Variants in PTPRS observed in about 807,000 individuals in gnomAD.
PTPRS encodes receptor-type tyrosine-protein phosphatase S.
Under a neutral mutation model 215.3 loss-of-function variants are expected in PTPRS, and 63 were observed. The ratio of observed to expected loss-of-function variants is 0.29; its 90% CI spans 0.24 to 0.36. The LOEUF is 0.36. Ranked by LOEUF, PTPRS falls within the 10% of genes least tolerant of loss-of-function variation. The pLI, the probability that PTPRS is intolerant of heterozygous loss-of-function variation, is 1.00. For missense variants in PTPRS, 2,258 were observed against 2,825.8 expected (o/e 0.80, Z 4.56); for synonymous variants, 1,404 against 1,191.4 (o/e 1.18, Z -3.68).
rs2048983437 is a variant in PTPRS, at chr19:5,293,167, CCCCGCGAGGCCTCCACAGGG to C, written c.-94-6953_-94-6934del. The stretch of plus-strand genomic sequence containing the variant: ...CCGCGGCTCGGAGATCGGGCCCAGG[CCCCGCGAGGCCTCCACAGGG>C]CCCGCCGCAGCCGCTCCCCGCGTCC... On this transcript the variant is annotated intron_variant, in intron 1 of 37. Coordinates refer to ENST00000262963, the MANE Select transcript of PTPRS (RefSeq NM_002850.4). This position sits in a 1 kb window ranked among gnomAD's most constrained non-coding sequence, Gnocchi z 8.4. 1 of 151,604 alleles carries C rather than the reference CCCCGCGAGGCCTCCACAGGG, an allele frequency of 6.6e-6. No homozygotes were observed. Among genetic ancestry groups the C allele is most frequent in the South Asian group, 2.1e-4 (1 of 4,832 alleles). The allele number at this position is 151,604 out of a possible 1,614,324, so 9.4% of individuals were successfully genotyped here.
rs748465929 is a variant in PTPRS at position 5,211,974 on chromosome 19, G to A, written c.5046C>T (p.Leu1682=). Residue 1682 remains leucine, a synonymous_variant, in exon 32 of 38, where the codon CTC becomes CTT. Transcript: ENST00000262963. ...TCCACCCCGCTGGCACCTTGAACTC[G>A]AGTTCCATGCCAGTGACGTGTTCGC... is the stretch of plus-strand genomic sequence containing the variant. ...EPGEHVTGME[L]EFKRLANSKA... The A allele has an allele frequency of 1.7e-5, 28 of 1,602,804 alleles. No homozygotes were observed. Among genetic ancestry groups the A allele is most frequent in the South Asian group, 7.8e-5 (7 of 90,244 alleles).
chr19:5,244,554 C>T lies in PTPRS; in HGVS notation c.989-72G>A, dbSNP rs938180197. 1.6e-6 allele frequency: 2 copies of T among 1,287,388 alleles called. No homozygotes were observed. The highest frequency in any genetic ancestry group is 2.2e-6 in the Non-Finnish European group (2 of 921,428). The allele number at this position is 1,287,388 out of a possible 1,614,324, so 79.7% of individuals were successfully genotyped here. A position where few individuals can be genotyped will look rare whatever the true frequency, so the allele number is the denominator to read the frequency against. The stretch of plus-strand genomic sequence containing the variant: ...GGACCCTGAAGGCTGTGTGACTTTT[C>T]ACCATTCAGTCGCCTTCTCTGAGCC... On this transcript the variant is annotated intron_variant, in intron 10 of 37. Transcript: ENST00000262963. The surrounding 1 kb of genome is among the most constrained non-coding windows in gnomAD (Gnocchi z 7.2).
intron 2 of PTPRS, among the ~76,000 whole-genome samples, chr19:5,283,604 T>C (rs535826652): frequency 1.3e-4 from 19 of 150,786 alleles, no homozygotes; most frequent in Admixed American, 1.1e-3. Context: ...AAAGAAGAAC[T>C]GAAAGGGGTC....
intron 13 of PTPRS, among the ~76,000 whole-genome samples, chr19:5,238,695 CA>C (rs2043701807): frequency 6.6e-6 from 1 of 152,248 alleles, no homozygotes; most frequent in African/African-American, 2.4e-5. Flanking sequence ...TCACCAGGCC[CA>C]GGGGCACAGA....
rs755415756 is a variant in PTPRS at position 5,212,641 on chromosome 19, C to G, written c.4615-150G>C. On this transcript the variant is annotated intron_variant, in intron 30 of 37. Coordinates refer to ENST00000262963, the MANE Select transcript of PTPRS (RefSeq NM_002850.4). ...GGCGGATCACCTGAGGTCAGGAGTT[C>G]GAGACCAGCCTGACCAACATGGAGA... The G allele has an allele frequency of 7.8e-5, 64 of 816,188 alleles. 1 individual carries two copies. Among genetic ancestry groups the G allele is most frequent in the Admixed American group, 1.6e-4 (6 of 37,380 alleles). 50.6% of individuals were successfully genotyped at this position (816,188 alleles called of 1,614,324 possible). A position where few individuals can be genotyped will look rare whatever the true frequency, so the allele number is the denominator to read the frequency against.
At chr19:5,226,354 C>T (rs980574342) in intron 16 of PTPRS, among the ~76,000 whole-genome samples, 1 of 152,210 alleles carries the variant, frequency 6.6e-6, no homozygotes, top group African/African-American at 2.4e-5. Context: ...GCTGGAGGTG[C>T]CCGGTACCAA....
intron 1 of PTPRS, among the ~76,000 whole-genome samples, chr19:5,291,090 C>T (rs1055630676): frequency 5.3e-5 from 8 of 151,974 alleles, no homozygotes; most frequent in African/African-American, 1.2e-4. Context: ...AACTGAAGTC[C>T]GGGGACCTGG....
intron 4 of PTPRS, among the ~76,000 whole-genome samples, chr19:5,266,215 C>T (rs190280385): frequency 6.1e-4 from 93 of 152,026 alleles, no homozygotes; most frequent in African/African-American, 2.1e-3. Flanking sequence ...GCCAAGATCA[C>T]GCCACTGCAC....
Position 5,265,070 on chromosome 19 carries a change from A to G in PTPRS, c.506T>C (p.Phe169Ser), listed in dbSNP as rs2046305111. Residue 169 changes from phenylalanine (F) to serine (S), a missense_variant, in exon 5 of 38, where the codon TTC (phenylalanine) becomes TCC (serine). Transcript: ENST00000262963. ...SGNPDPEITW[F>S]KDFLPVDPSA... ...AGGATCCACAGGCAGGAAGTCCTTG[A>G]ACCAGGTGATCTCAGGGTCAGGGTT... is the stretch of plus-strand genomic sequence containing the variant. The G allele has an allele frequency of 6.2e-7, 1 of 1,614,142 alleles. No individual in the cohort carries two copies. The highest frequency in any genetic ancestry group is 2.2e-5 in the East Asian group (1 of 44,882).
chr19:5,320,236 C>T (rs573831917), intron 1 of PTPRS, among the ~76,000 whole-genome samples: 2 of 152,276 alleles, frequency 1.3e-5, no homozygotes, highest in African/African-American at 2.4e-5. Context: ...GAAGCAGGGG[C>T]GGCAGCCAGT....
At chr19:5,272,354 T>C (rs1246542379) in intron 4 of PTPRS, among the ~76,000 whole-genome samples, 1 of 151,828 alleles carries the variant, frequency 6.6e-6, no homozygotes, top group Non-Finnish European at 1.5e-5. Context: ...TCCCAGCACT[T>C]TGGGAGGCTG....
chr19:5,265,184 G>C lies in PTPRS; in HGVS notation c.392C>G (p.Pro131Arg), dbSNP rs1027747420. 1 of 1,613,628 alleles carries C rather than the reference G, an allele frequency of 6.2e-7. No homozygotes were observed. Among genetic ancestry groups the C allele is most frequent in the South Asian group, 1.1e-5 (1 of 91,004 alleles). ...KLTVLREDQL[P>R]SGFPNIDMGP... ...CATGTCGATGTTGGGGAAGCCAGAG[G>C]GCAGCTGGTCCTCTGAGGGCAGAGA... The change falls in exon 5 of 38, where the codon CCC (proline) becomes CGC (arginine). Residue 131 changes from proline to arginine, a missense_variant. Pro to Arg is a moderately radical substitution (Grantham distance 103, BLOSUM62 -2). Transcript: ENST00000262963.
At position 5,340,800 on chromosome 19, in the gene PTPRS, G is replaced by C. The variant is rs1183622841; in HGVS notation, c.-231C>G. 2 of 149,204 alleles carry C rather than the reference G, an allele frequency of 1.3e-5. No individual in the cohort carries two copies. The highest frequency in any genetic ancestry group is 2.0e-4 in the East Asian group (1 of 5,050). The allele number at this position is 149,204 out of a possible 1,614,324, so 9.2% of individuals were successfully genotyped here. On this transcript the variant is annotated 5_prime_UTR_variant, in exon 1 of 38. Coordinates refer to ENST00000262963, the MANE Select transcript of PTPRS (RefSeq NM_002850.4). Reference sequence around the variant, plus strand: ...GGCCGGGCTGCCGGGCGGGCGGCGCGAGGACACTCACTGCGGCTCGCGCTC... The same window carrying C: ...GGCCGGGCTGCCGGGCGGGCGGCGCCAGGACACTCACTGCGGCTCGCGCTC...
chr19:5,214,783 A>G (rs1555739898), intron 28 of PTPRS, 47 bp from the exon 29 acceptor site: 8 of 1,553,994 alleles, frequency 5.1e-6, no homozygotes, highest in East Asian at 2.3e-5. Flanking sequence ...CTGTCTTGCT[A>G]GTTTGGCTCT....
intron 1 of PTPRS, among the ~76,000 whole-genome samples, chr19:5,299,597 T>C (rs1181000978): frequency 6.6e-6 from 1 of 152,154 alleles, no homozygotes; most frequent in African/African-American, 2.4e-5. Context: ...AGTGGCTGGG[T>C]GTGGTGGCTC....
chr19:5,322,916 GAAA>G (rs1201612289), intron 1 of PTPRS, among the ~76,000 whole-genome samples: 14 of 141,232 alleles, frequency 9.9e-5, no homozygotes, highest in African/African-American at 3.4e-4. Flanking sequence ...AGAAGAAGAA[GAAA>G]AAGAAAAAAC....
At chr19:5,296,666 C>T (rs1351213420) in intron 1 of PTPRS, among the ~76,000 whole-genome samples, 2 of 131,950 alleles carry the variant, frequency 1.5e-5, no homozygotes, top group Admixed American at 8.8e-5. Flanking sequence ...GGAGGAATGG[C>T]GAGGAGGCCA....
At chr19:5,246,486 C>A (rs2044491918) in intron 9 of PTPRS, among the ~76,000 whole-genome samples, 1 of 152,252 alleles carries the variant, frequency 6.6e-6, no homozygotes, top group African/African-American at 2.4e-5. Flanking sequence ...ACAGCAGTGG[C>A]TTCAGGGAGC....
chr19:5,214,927 G>A (rs181965972), intron 28 of PTPRS, among the ~76,000 whole-genome samples, 191 bp from the exon 29 acceptor site: 2 of 152,360 alleles, frequency 1.3e-5, no homozygotes, highest in East Asian at 1.9e-4. Context: ...CCTCTGTGGC[G>A]GGGCCATTCT....
Sources: gnomAD v4.1 joint callset for allele counts (sites outside exome capture counted in the v4.1 genomes callset) on GRCh38, gnomAD v4.1.1 for gene constraint, Gnocchi (gnomAD v3.1) non-coding constraint, MANE v1.5 for transcripts, NCBI Gene and HGNC (gene_info 2026-07-23, HGNC 2026-07-21) for gene names.